The following AR variants were observed in gnomAD, a reference collection of about 807,000 sequenced individuals.
AR encodes the protein dihydrotestosterone receptor.
A neutral mutation model predicts 53.9 loss-of-function variants in AR; 8 were observed. The ratio of observed to expected loss-of-function variants is 0.15; its 90% CI spans 0.09 to 0.27. The LOEUF (loss-of-function observed/expected upper bound fraction) is 0.27. Ranked by LOEUF, AR falls within the 10% of genes least tolerant of loss-of-function variation. The pLI is 1.00. For synonymous variants in AR, 359 were observed against 316.4 expected (o/e 1.13, Z -1.43); for missense variants, 639 against 742.5 (o/e 0.86, Z 1.62).
intron 1 of AR, among the ~76,000 whole-genome samples, chrX:67,640,973 G>C (rs1052440753): frequency 4.5e-5 from 5 of 110,914 alleles, no homozygotes; most frequent in Non-Finnish European, 9.4e-5. Flanking sequence ...TTCTCTAACA[G>C]ATAGTAGTTT....
intron 1 of AR, among the ~76,000 whole-genome samples, chrX:67,596,366 T>C (rs1359079679): frequency 1.8e-5 from 2 of 111,254 alleles, no homozygotes; most frequent in Non-Finnish European, 3.8e-5. Flanking sequence ...TTTCTTTGTT[T>C]ATGTATCCTT....
At chrX:67,689,988 C>T (rs1487238389) in intron 3 of AR, among the ~76,000 whole-genome samples, 1 of 111,676 alleles carries the variant, frequency 9.0e-6, no homozygotes, top group Non-Finnish European at 1.9e-5. Context: ...TATTCCTCCC[C>T]AAACATGATT....
At chrX:67,620,186 T>C (rs769282443) in intron 1 of AR, among the ~76,000 whole-genome samples, 1 of 110,989 alleles carries the variant, frequency 9.0e-6, no homozygotes, top group Non-Finnish European at 1.9e-5. Context: ...TGAACATTTT[T>C]CACATTTCTT....
intron 1 of AR, among the ~76,000 whole-genome samples, chrX:67,596,220 G>A (rs1923073991): frequency 9.1e-6 from 1 of 109,762 alleles, no homozygotes; most frequent in Non-Finnish European, 1.9e-5. Flanking sequence ...AGCTTGCAAA[G>A]CCATGAGCCA....
At chrX:67,586,801 C>T (rs749147363) in intron 1 of AR, among the ~76,000 whole-genome samples, 19 of 111,716 alleles carry the variant, frequency 1.7e-4, no homozygotes, top group South Asian at 3.8e-4. Context: ...AATGACCACT[C>T]CAGACCCAGT....
intron 1 of AR, among the ~76,000 whole-genome samples, chrX:67,578,626 A>T (rs1432099010): frequency 9.0e-6 from 1 of 111,457 alleles, no homozygotes; most frequent in African/African-American, 3.3e-5. Flanking sequence ...ATATGTAAAA[A>T]CCCACCTTCT....
intron 1 of AR, among the ~76,000 whole-genome samples, chrX:67,570,922 C>T (rs933113909): frequency 8.2e-5 from 9 of 110,424 alleles, no homozygotes; most frequent in Non-Finnish European, 1.7e-4. Context: ...TGGGCATATT[C>T]CTTGTTTGAA....
intron 1 of AR, among the ~76,000 whole-genome samples, chrX:67,582,782 T>C (rs1922354975): frequency 8.9e-6 from 1 of 111,777 alleles, no homozygotes; most frequent in Admixed American, 9.5e-5. Flanking sequence ...ATAGCTATAA[T>C]TGAAAATCTG....
chrX:67,660,172 A>T lies in AR; in HGVS notation c.1768+16765A>T, dbSNP rs773119435. 4.5e-5 allele frequency among the ~76,000 whole-genome samples: 5 copies of T among 111,283 alleles called. No individual in the cohort carries two copies. In the East Asian group the frequency reaches 1.4e-3, roughly 32 times the overall value. On this transcript the variant is annotated intron_variant, in intron 2 of 7. Coordinates refer to ENST00000374690, the MANE Select transcript of AR (RefSeq NM_000044.6). ...CTCCCATTCTGTAGGTTGCCTGTTC[A>T]CTCTGATGGTAGTTTCTTTTGCTAT...
intron 1 of AR, among the ~76,000 whole-genome samples, chrX:67,573,947 A>G (rs1373464778): frequency 8.9e-6 from 1 of 112,186 alleles, no homozygotes; most frequent in African/African-American, 3.2e-5. Flanking sequence ...TCACCACTCT[A>G]CCAGTAGCAT....
intron 1 of AR, among the ~76,000 whole-genome samples, chrX:67,607,585 C>T (rs897817523): frequency 2.7e-5 from 3 of 112,059 alleles, no homozygotes; most frequent in African/African-American, 9.7e-5. Context: ...TGTTAATGTA[C>T]TGAGTATTAT....
At chrX:67,717,988 C>G (rs1334110379) in intron 5 of AR, among the ~76,000 whole-genome samples, 1 of 112,804 alleles carries the variant, frequency 8.9e-6, no homozygotes, top group East Asian at 2.8e-4. Flanking sequence ...TTTGCTACCA[C>G]CAAAGGCTAC....
At chrX:67,668,043 G>T (rs1014404054) in intron 2 of AR, among the ~76,000 whole-genome samples, 3 of 111,270 alleles carry the variant, frequency 2.7e-5, no homozygotes, top group African/African-American at 9.8e-5. Flanking sequence ...TTTCAATTTG[G>T]ATGCCTTTCA....
chrX:67,700,091 C>T (rs1006743506), intron 3 of AR, among the ~76,000 whole-genome samples: 1 of 111,711 alleles, frequency 9.0e-6, no homozygotes, highest in African/African-American at 3.3e-5. Context: ...GTGTTACAAT[C>T]TCCTAAAGAG....
chrX:67,606,018 G>A (rs1485398406), intron 1 of AR, among the ~76,000 whole-genome samples: 1 of 112,329 alleles, frequency 8.9e-6, no homozygotes, highest in Non-Finnish European at 1.9e-5. Flanking sequence ...GGTGTTTTCA[G>A]TCGAACAGGG....
intron 5 of AR, among the ~76,000 whole-genome samples, chrX:67,720,879 T>TACACACACAC (rs113739371): frequency 2.0e-5 from 2 of 100,780 alleles, no homozygotes; most frequent in African/African-American, 7.3e-5. Context: ...ATTTCTGTCT[T>TACACACACAC]ACACACACAC....
intron 4 of AR, among the ~76,000 whole-genome samples, chrX:67,715,690 A>G (rs1011946108): frequency 4.5e-5 from 5 of 112,179 alleles, no homozygotes; most frequent in African/African-American, 1.6e-4. Flanking sequence ...ACCTTGGGTA[A>G]GTCAGTTTAT....
intron 3 of AR, among the ~76,000 whole-genome samples, chrX:67,689,323 A>T (rs1569306767): frequency 9.0e-6 from 1 of 111,070 alleles, no homozygotes; most frequent in Non-Finnish European, 1.9e-5. Context: ...GACTAGACAG[A>T]TTATTCAGAG....
intron 2 of AR, among the ~76,000 whole-genome samples, chrX:67,669,884 G>A (rs755358040): frequency 4.8e-4 from 52 of 108,575 alleles, no homozygotes; most frequent in African/African-American, 1.6e-3. Context: ...GTTTCCATTT[G>A]CATGAAATAT....
Sources: allele counts gnomAD v4.1 joint callset (sites outside exome capture counted in the v4.1 genomes callset), GRCh38; gene constraint gnomAD v4.1.1; transcripts MANE v1.5; gene names NCBI Gene and HGNC (gene_info 2026-07-23, HGNC 2026-07-21).